The following SEC61G variants were observed in gnomAD, a reference collection of about 807,000 sequenced individuals.
The protein encoded by SEC61G is SEC61 translocon subunit gamma, also known as protein transport protein Sec61 subunit gamma.
In SEC61G, 4 loss-of-function variants were observed where a neutral mutation model predicts 7.5. That is an observed-to-expected ratio of 0.54 (90% CI 0.26 to 1.22). The LOEUF (loss-of-function observed/expected upper bound fraction) is 1.22. Ranked by LOEUF, SEC61G falls within the 50% of genes most tolerant of loss-of-function variation. The probability of loss-of-function intolerance (pLI) is 0.12; values close to 1 mark genes in which losing one functional copy is unlikely to be tolerated. For synonymous variants in SEC61G, 24 were observed against 24.4 expected (o/e 0.98, Z 0.05); for missense variants, 53 against 84.6 (o/e 0.63, Z 1.46).
chr7:54,757,232 A>C (rs1235604006), intron 2 of SEC61G, among the ~76,000 whole-genome samples: 1 of 152,090 alleles, frequency 6.6e-6, no homozygotes, highest in Non-Finnish European at 1.5e-5. Context: ...GTAAGATACT[A>C]AAAGTCATAA....
At chr7:54,755,727 A>G in intron 3 of SEC61G, 52 bp downstream of exon 3, 1 of 1,028,180 alleles carries the variant, frequency 9.7e-7, no homozygotes, top group Non-Finnish European at 1.5e-6. Flanking sequence ...CTGTCATCTC[A>G]AATGGTTTTG....
Position 54,752,424 on chromosome 7 carries a change from T to A in SEC61G, c.198-4A>T, listed in dbSNP as rs756758906. 1.1e-5 allele frequency: 16 copies of A among 1,513,136 alleles called. No individual in the cohort carries two copies. Among genetic ancestry groups the A allele is most frequent in the Non-Finnish European group, 1.4e-5 (15 of 1,110,556 alleles). 93.7% of individuals were successfully genotyped at this position (1,513,136 alleles called of 1,614,324 possible). On this transcript the variant is annotated splice_region_variant and splice_polypyrimidine_tract_variant and intron_variant, in intron 3 of 3. Coordinates refer to ENST00000352861, the MANE Select transcript of SEC61G (RefSeq NM_014302.4). ...TCCAAAATGTATTCAGCCACCACTGTAAAAGAAAGAAAAATTATTACTTCT... is the reference window on the plus strand; with the variant it reads ...TCCAAAATGTATTCAGCCACCACTGAAAAAGAAAGAAAAATTATTACTTCT...
chr7:54,757,488 C>G lies in SEC61G; in HGVS notation c.94+7G>C. 6.2e-7 allele frequency: 1 copy of G among 1,609,130 alleles called. No homozygotes were observed. The highest frequency in any genetic ancestry group is 8.5e-7 in the Non-Finnish European group (1 of 1,175,646). On this transcript the variant is annotated splice_region_variant and intron_variant, in intron 2 of 3. Transcript: ENST00000352861. ...TTTAATTTTTTCTCTCATAGTCAAG[C>G]AATTACCTTTTCTATCAGGTTTAGT...
intron 1 of SEC61G, among the ~76,000 whole-genome samples, chr7:54,758,631 A>G (rs1336825618): frequency 2.0e-5 from 3 of 152,212 alleles, no homozygotes; most frequent in Non-Finnish European, 4.4e-5. Flanking sequence ...GTTGTCACGA[A>G]GGAAGCTAAG....
At chr7:54,754,733 T>A (rs1271621982) in intron 3 of SEC61G, 1 of 152,146 alleles carries the variant, frequency 6.6e-6, no homozygotes, top group Non-Finnish European at 1.5e-5. Context: ...TGCTTCAAAC[T>A]TCACCACCCC....
intron 1 of SEC61G, among the ~76,000 whole-genome samples, chr7:54,757,839 A>G (rs1791550822): frequency 6.6e-6 from 1 of 152,230 alleles, no homozygotes; most frequent in Non-Finnish European, 1.5e-5. Flanking sequence ...TTCACTGACA[A>G]AGAACAGCAC....
At chr7:54,757,676 G>A in intron 1 of SEC61G, 82 bp from the exon 2 acceptor site, 2 of 1,086,988 alleles carry the variant, frequency 1.8e-6, no homozygotes, top group South Asian at 1.4e-5. Context: ...ATGTAAATGA[G>A]ACCAGCCACT....
intron 2 of SEC61G, among the ~76,000 whole-genome samples, chr7:54,756,898 T>G (rs1436367561): frequency 6.7e-6 from 1 of 148,844 alleles, no homozygotes; most frequent in Non-Finnish European, 1.5e-5. Context: ...CTATTCTCTT[T>G]ACTATAATAT....
chr7:54,754,801 T>C (rs1791475729), intron 3 of SEC61G: 1 of 152,202 alleles, frequency 6.6e-6, no homozygotes, highest in Non-Finnish European at 1.5e-5. Flanking sequence ...TCTCAATGAA[T>C]GTTAATTATT....
In SEC61G at chr7:54,759,205, T is replaced by C; in HGVS notation, c.-54A>G. 1 of 519,038 alleles carries C rather than the reference T, an allele frequency of 1.9e-6. No individual in the cohort carries two copies. Among genetic ancestry groups the C allele is most frequent in the South Asian group, 1.4e-5 (1 of 71,588 alleles). 32.2% of individuals were successfully genotyped at this position (519,038 alleles called of 1,614,324 possible). On this transcript the variant is annotated 5_prime_UTR_variant, in exon 1 of 4. Coordinates refer to ENST00000352861, the MANE Select transcript of SEC61G (RefSeq NM_014302.4). Reference sequence around the variant, plus strand: ...GCCAGGGACACGTAGCACTGGAGCTTGCTGATGGAGGCCCACCGGAACCGG... The same window carrying C: ...GCCAGGGACACGTAGCACTGGAGCTCGCTGATGGAGGCCCACCGGAACCGG...
At chr7:54,752,829 G>A (rs1791440809) in intron 3 of SEC61G, among the ~76,000 whole-genome samples, 1 of 152,180 alleles carries the variant, frequency 6.6e-6, no homozygotes, top group South Asian at 2.1e-4. Context: ...CTCAAGCACT[G>A]CATCTTACCA....
chr7:54,756,392 G>C (rs1021268307), intron 2 of SEC61G, among the ~76,000 whole-genome samples: 6 of 152,060 alleles, frequency 3.9e-5, no homozygotes, highest in Admixed American at 3.3e-4. Flanking sequence ...CCAGTGGCTT[G>C]TGCCTGTAAT....
intron 2 of SEC61G, among the ~76,000 whole-genome samples, 198 bp from the exon 3 acceptor site, chr7:54,756,079 A>G (rs185101595): frequency 6.6e-5 from 10 of 152,318 alleles, no homozygotes; most frequent in Admixed American, 6.5e-4. Flanking sequence ...TGTTTTGTTG[A>G]TATTTAAGGA....
intron 2 of SEC61G, 80 bp downstream of exon 2, chr7:54,757,415 C>A: frequency 1.4e-5 from 15 of 1,078,588 alleles, no homozygotes; most frequent in Non-Finnish European, 2.1e-5. Flanking sequence ...AATGCAAGGG[C>A]TATTAATCAA....
intron 2 of SEC61G, among the ~76,000 whole-genome samples, chr7:54,757,147 T>C (rs1201235603): frequency 6.6e-6 from 1 of 151,922 alleles, no homozygotes. Context: ...ATATTGTTGG[T>C]TTCATGTTAA....
At chr7:54,755,423 C>T (rs1255384023) in intron 3 of SEC61G, 1 of 159,298 alleles carries the variant, frequency 6.3e-6, no homozygotes, top group Non-Finnish European at 1.4e-5. Flanking sequence ...AATTCTATCA[C>T]AGCAGTGATT....
chr7:54,759,100 G>A (rs1463143270), intron 1 of SEC61G, 58 bp downstream of exon 1: 3 of 484,862 alleles, frequency 6.2e-6, no homozygotes, highest in South Asian at 1.5e-5. Flanking sequence ...CTGCCCCCAA[G>A]AGTCGCAAAG....
At chr7:54,756,448 G>A (rs1791515970) in intron 2 of SEC61G, among the ~76,000 whole-genome samples, 1 of 152,150 alleles carries the variant, frequency 6.6e-6, no homozygotes. Flanking sequence ...CCGAGGTCAG[G>A]AGTTTAAGAC....
At chr7:54,755,918 A>G (rs749402899) in intron 2 of SEC61G, 37 bp from the exon 3 acceptor site, 2 of 1,317,252 alleles carry the variant, frequency 1.5e-6, no homozygotes, top group Non-Finnish European at 2.1e-6. Flanking sequence ...TATTTTTTGC[A>G]CTGTCACTGA....
Sources: allele counts gnomAD v4.1 joint callset (sites outside exome capture counted in the v4.1 genomes callset), GRCh38; gene constraint gnomAD v4.1.1; transcripts MANE v1.5; gene names NCBI Gene and HGNC (gene_info 2026-07-23, HGNC 2026-07-21).